CNNM2: variants seen among roughly 807,000 people sequenced by gnomAD.
CNNM2 encodes the protein metal transporter CNNM2.
Under a neutral mutation model 66.9 loss-of-function variants are expected in CNNM2, and 12 were observed. The ratio of observed to expected loss-of-function variants is 0.18; its 90% CI spans 0.11 to 0.29. The LOEUF is 0.29. Among genes scored for constraint, CNNM2 ranks in the 10% least tolerant of loss-of-function variants. The pLI, the probability that CNNM2 is intolerant of heterozygous loss-of-function variation, is 1.00. For synonymous variants in CNNM2, 557 were observed against 501.8 expected (o/e 1.11, Z -1.47); for missense variants, 705 against 1,167.7 (o/e 0.60, Z 5.77).
At chr10:102,981,263 T>A (rs1051836927) in intron 1 of CNNM2, among the ~76,000 whole-genome samples, 1 of 151,960 alleles carries the variant, frequency 6.6e-6, no homozygotes. Flanking sequence ...GATGGGAGGA[T>A]CACCTGAGTC....
intron 1 of CNNM2, among the ~76,000 whole-genome samples, chr10:102,982,301 T>C (rs951544141): frequency 2.0e-5 from 3 of 152,234 alleles, no homozygotes; most frequent in African/African-American, 7.2e-5. Context: ...CTCTAGACCT[T>C]AAGCTCCACT....
intron 1 of CNNM2, among the ~76,000 whole-genome samples, chr10:102,963,601 C>T (rs753150407): frequency 3.9e-5 from 6 of 152,118 alleles, no homozygotes; most frequent in East Asian, 1.9e-4. Flanking sequence ...TGATTGTTCC[C>T]GGAGAATCTC....
chr10:103,063,853 A>C (rs1458886576), intron 4 of CNNM2, among the ~76,000 whole-genome samples: 1 of 152,214 alleles, frequency 6.6e-6, no homozygotes, highest in African/African-American at 2.4e-5. Flanking sequence ...CCTTATATGG[A>C]AAAAGTTGTT....
Position 103,082,238 on chromosome 10 carries a change from C to G in CNNM2, c.*5058C>G, listed in dbSNP as rs978398409. 2.0e-5 allele frequency: 3 copies of G among 152,240 alleles called. No individual in the cohort carries two copies. The highest frequency in any genetic ancestry group is 4.4e-5 in the Non-Finnish European group (3 of 68,070). The allele number at this position is 152,240 out of a possible 1,614,324, so 9.4% of individuals were successfully genotyped here. On this transcript the variant is annotated 3_prime_UTR_variant, in exon 8 of 8. Transcript: ENST00000369878. ...GGAAGGACGCCTTCCGGCATCTGAT[C>G]CACATGGATTCACTTTTAGGATGCA...
Position 103,076,077 on chromosome 10 carries a change from C to T in CNNM2, c.2234-9C>T, listed in dbSNP as rs1269647715. The T allele has an allele frequency of 6.2e-7, 1 of 1,603,398 alleles. No individual in the cohort carries two copies. Among genetic ancestry groups the T allele is most frequent in the Non-Finnish European group, 8.5e-7 (1 of 1,172,940 alleles). ...ACTTAAACAGTTGGATTTTTCCCTC[C>T]TTTTCCAGGTGAAAATAAGTCCCCT... is the stretch of plus-strand genomic sequence containing the variant. On this transcript the variant is annotated splice_polypyrimidine_tract_variant and intron_variant, in intron 6 of 7. Coordinates refer to ENST00000369878, the MANE Select transcript of CNNM2 (RefSeq NM_017649.5).
chr10:102,963,488 A>C (rs2063415819), intron 1 of CNNM2, among the ~76,000 whole-genome samples: 1 of 152,244 alleles, frequency 6.6e-6, no homozygotes, highest in Non-Finnish European at 1.5e-5. Context: ...TGTTTTCACC[A>C]GAGTAGTATC....
chr10:103,066,221 T>C (rs542560460), intron 4 of CNNM2, among the ~76,000 whole-genome samples: 1 of 152,222 alleles, frequency 6.6e-6, no homozygotes, highest in South Asian at 2.1e-4. Context: ...GTTTCAGTTT[T>C]CCCTGCTGCT....
intron 1 of CNNM2, among the ~76,000 whole-genome samples, chr10:103,025,225 G>T (rs1490726112): frequency 6.6e-6 from 1 of 152,190 alleles, no homozygotes; most frequent in Non-Finnish European, 1.5e-5. Flanking sequence ...CCAAGTAGCT[G>T]GGATTACAGG....
At chr10:102,956,307 AAGTC>A (rs910204765) in intron 1 of CNNM2, among the ~76,000 whole-genome samples, 2 of 151,416 alleles carry the variant, frequency 1.3e-5, no homozygotes, top group African/African-American at 4.8e-5. Flanking sequence ...AAAAAAAAAA[AAGTC>A]AGGAAACAAC....
chr10:103,024,188 C>T (rs1247882391), intron 1 of CNNM2, among the ~76,000 whole-genome samples: 1 of 152,084 alleles, frequency 6.6e-6, no homozygotes, highest in Non-Finnish European at 1.5e-5. Context: ...AATAATTCCT[C>T]TCATTTTTTC....
chr10:103,089,548 T>C lies in CNNM2; in HGVS notation c.*12368T>C. 9.9e-6 allele frequency: 14 copies of C among 1,418,232 alleles called. No homozygotes were observed. Among genetic ancestry groups the C allele is most frequent in the Non-Finnish European group, 1.3e-5 (14 of 1,082,764 alleles). 87.9% of individuals were successfully genotyped at this position (1,418,232 alleles called of 1,614,324 possible). A position where few individuals can be genotyped will look rare whatever the true frequency, so the allele number is the denominator to read the frequency against. ...ATGATAATAAAATCTTCAGAAACTT[T>C]TCAGACGTACCTTTCATGGAGCCCC... On this transcript the variant is annotated 3_prime_UTR_variant, in exon 8 of 8. Transcript: ENST00000369878.
chr10:103,050,536 C>CAAA (rs572731260), intron 2 of CNNM2, among the ~76,000 whole-genome samples: 1 of 100,142 alleles, frequency 1.0e-5, no homozygotes, highest in Non-Finnish European at 2.2e-5. Context: ...GAGTCCACCT[C>CAAA]AAAAAAAAAA....
chr10:102,932,746 C>T (rs940422040), intron 1 of CNNM2, among the ~76,000 whole-genome samples: 2 of 151,700 alleles, frequency 1.3e-5, no homozygotes, highest in Non-Finnish European at 2.9e-5. Flanking sequence ...GGTGAAACCC[C>T]GTCTCTACTA....
Position 103,029,865 on chromosome 10 carries a change from C to CA in CNNM2, c.1622-19828dup, listed in dbSNP as rs987996373. 0.02 allele frequency among the ~76,000 whole-genome samples: 1,883 copies of CA among 95,078 alleles called. 19 individuals carry two copies. Among genetic ancestry groups the CA allele is most frequent in the Non-Finnish European group, 0.025 (1,120 of 45,132 alleles). The allele number at this position is 95,078 out of a possible 152,430, so 62.4% of individuals were successfully genotyped here. The stretch of plus-strand genomic sequence containing the variant: ...TGGGAGACAGAGCAAGACTCCGTCT[C>CA]AAAAAAAAAAAAAATAATCTCAGAG... On this transcript the variant is annotated intron_variant, in intron 1 of 7. Transcript: ENST00000369878.
intron 1 of CNNM2, among the ~76,000 whole-genome samples, chr10:103,002,670 G>A (rs1360140856): frequency 6.6e-6 from 1 of 151,958 alleles, no homozygotes; most frequent in African/African-American, 2.4e-5. Flanking sequence ...GTAGAGAGGG[G>A]GTTTCTCCAT....
intron 1 of CNNM2, among the ~76,000 whole-genome samples, chr10:103,010,140 T>TTTAAAACA (rs2064312641): frequency 6.6e-6 from 1 of 152,146 alleles, no homozygotes; most frequent in East Asian, 1.9e-4. Flanking sequence ...TTTAGAACAA[T>TTTAAAACA]TTAAAACATT....
At chr10:102,933,924 C>T (rs1324777433) in intron 1 of CNNM2, among the ~76,000 whole-genome samples, 1 of 152,106 alleles carries the variant, frequency 6.6e-6, no homozygotes, top group African/African-American at 2.4e-5. Context: ...AGCCTCAAAC[C>T]CTGGGCACAA....
At chr10:103,032,632 A>C (rs545087413) in intron 1 of CNNM2, among the ~76,000 whole-genome samples, 24 of 150,094 alleles carry the variant, frequency 1.6e-4, no homozygotes, top group Non-Finnish European at 2.5e-4. Context: ...TTTTTTTTAG[A>C]GTAGCCTTTC....
At chr10:103,017,962 T>TAAAAAAAAAAAAAA (rs2064487247) in intron 1 of CNNM2, among the ~76,000 whole-genome samples, 2 of 36,384 alleles carry the variant, frequency 5.5e-5, no homozygotes, top group African/African-American at 8.6e-5. Flanking sequence ...AGAATCTGTC[T>TAAAAAAAAAAAAAA]CAAAAAAAAA....
Sources: gnomAD v4.1 joint callset for allele counts (sites outside exome capture counted in the v4.1 genomes callset) on GRCh38, gnomAD v4.1.1 for gene constraint, MANE v1.5 for transcripts, NCBI Gene and HGNC (gene_info 2026-07-23, HGNC 2026-07-21) for gene names.